Variants in WBP4 observed in about 807,000 individuals in gnomAD.
WBP4 encodes the protein WW domain binding protein 4, also known as WW domain-binding protein 4.
In WBP4, 37 loss-of-function variants were observed where a neutral mutation model predicts 55.4. That is an observed-to-expected ratio of 0.67 (90% CI 0.51 to 0.88). The LOEUF is 0.88. Among genes scored for constraint, WBP4 ranks in the 40% least tolerant of loss-of-function variants. The probability of loss-of-function intolerance (pLI) is 0.00; values close to 1 mark genes in which losing one functional copy is unlikely to be tolerated. For synonymous variants in WBP4, 142 were observed against 140.2 expected (o/e 1.01, Z -0.09); for missense variants, 398 against 420.8 (o/e 0.95, Z 0.47).
intron 8 of WBP4, among the ~76,000 whole-genome samples, chr13:41,077,885 A>G (rs1878574375): frequency 6.6e-6 from 1 of 152,104 alleles, no homozygotes; most frequent in Non-Finnish European, 1.5e-5. Flanking sequence ...AAAAAACTCA[A>G]TCCCATTTGT....
At chr13:41,066,619 G>A (rs1035072782) in intron 4 of WBP4, among the ~76,000 whole-genome samples, 1 of 152,008 alleles carries the variant, frequency 6.6e-6, no homozygotes, top group African/African-American at 2.4e-5. Context: ...GTAACATTAT[G>A]GTATAAATTG....
rs1189484016 is a variant in WBP4, at chr13:41,061,586, G to A, written c.-88G>A. 32 of 1,607,118 alleles carry A rather than the reference G, an allele frequency of 2.0e-5. No individual in the cohort carries two copies. The highest frequency in any genetic ancestry group is 2.5e-5 in the Non-Finnish European group (29 of 1,175,366). On this transcript the variant is annotated 5_prime_UTR_variant, in exon 1 of 10. Coordinates refer to ENST00000379487, the MANE Select transcript of WBP4 (RefSeq NM_007187.5). ...TCGGAGGGAGGTTCGGGTGGGCATC[G>A]GGCGGCTGGAAGAGCTCGACTCGTC...
intron 7 of WBP4, among the ~76,000 whole-genome samples, chr13:41,073,699 T>A (rs914925945): frequency 1.3e-5 from 2 of 151,670 alleles, no homozygotes; most frequent in African/African-American, 4.8e-5. Context: ...TCCCAGCTAC[T>A]CAGGAGGCTG....
At chr13:41,070,561 TAATG>T (rs1878195428) in intron 5 of WBP4, among the ~76,000 whole-genome samples, 1 of 151,732 alleles carries the variant, frequency 6.6e-6, no homozygotes, top group African/African-American at 2.4e-5. Flanking sequence ...ATGGGGACAA[TAATG>T]AATTAGATAC....
intron 7 of WBP4, 69 bp downstream of exon 7, chr13:41,072,926 T>C: frequency 1.6e-6 from 2 of 1,279,884 alleles, no homozygotes; most frequent in Non-Finnish European, 2.2e-6. Context: ...GCCTGCTGAT[T>C]AATCATCTGA....
At chr13:41,078,758 C>T (rs1350024407) in intron 8 of WBP4, among the ~76,000 whole-genome samples, 7 of 151,606 alleles carry the variant, frequency 4.6e-5, no homozygotes, top group African/African-American at 1.2e-4. Context: ...ACCTGGGAGG[C>T]GGAGGTTGCA....
At chr13:41,069,933 C>A (rs898683614) in intron 5 of WBP4, among the ~76,000 whole-genome samples, 1 of 150,310 alleles carries the variant, frequency 6.7e-6, no homozygotes, top group Non-Finnish European at 1.5e-5. Context: ...GTAACAATAT[C>A]AAAAACATCT....
intron 7 of WBP4, 65 bp downstream of exon 7, chr13:41,072,922 T>C: frequency 1.5e-6 from 2 of 1,312,732 alleles, no homozygotes; most frequent in Non-Finnish European, 2.1e-6. Flanking sequence ...ATTGGCCTGC[T>C]GATTAATCAT....
chr13:41,072,681 C>T, intron 6 of WBP4, 101 bp from the exon 7 acceptor site: 5 of 906,390 alleles, frequency 5.5e-6, no homozygotes, highest in Non-Finnish European at 8.7e-6. Flanking sequence ...ATGATATCAC[C>T]AGGTGTCAGG....
At chr13:41,077,590 A>G (rs1878558182) in intron 8 of WBP4, among the ~76,000 whole-genome samples, 1 of 152,218 alleles carries the variant, frequency 6.6e-6, no homozygotes, top group Non-Finnish European at 1.5e-5. Flanking sequence ...AAGGATGCTC[A>G]CTTCAACCAC....
At chr13:41,062,619 T>C in intron 1 of WBP4, 25 bp from the exon 2 acceptor site, 1 of 1,608,384 alleles carries the variant, frequency 6.2e-7, no homozygotes, top group Non-Finnish European at 8.5e-7. Flanking sequence ...TACATGAGCT[T>C]AGCCTTGTTG....
At chr13:41,081,599 G>A (rs1878782878) in intron 9 of WBP4, among the ~76,000 whole-genome samples, 1 of 151,924 alleles carries the variant, frequency 6.6e-6, no homozygotes, top group Non-Finnish European at 1.5e-5. Flanking sequence ...AGGATTCAGT[G>A]TTGCTATTTA....
At chr13:41,071,077 C>T (rs577797715) in intron 5 of WBP4, among the ~76,000 whole-genome samples, 8 of 152,292 alleles carry the variant, frequency 5.3e-5, no homozygotes, top group Admixed American at 1.3e-4. Context: ...ATGCTTATTG[C>T]TTGCCTCTCT....
intron 9 of WBP4, 69 bp from the exon 10 acceptor site, chr13:41,082,635 G>T (rs183380004): frequency 7.5e-5 from 106 of 1,419,226 alleles, no homozygotes; most frequent in Non-Finnish European, 5.9e-6. Flanking sequence ...GCTGATCTTG[G>T]GGCATTGGTT....
Position 41,065,001 on chromosome 13 carries a change from CTT to C in WBP4, c.76-12_76-11del, listed in dbSNP as rs768313208. The C allele has an allele frequency of 6.2e-5, 95 of 1,538,350 alleles. No individual in the cohort carries two copies. The East Asian group carries it at 1.7e-3, about 28-fold the overall frequency. ...ATGTAGTTTTCTTTTGTTATTTTCT[CTT>C]TTCATTTTCAAGAGTGTTGAATTTC... On this transcript the variant is annotated splice_polypyrimidine_tract_variant and intron_variant, in intron 2 of 9. Coordinates refer to ENST00000379487, the MANE Select transcript of WBP4 (RefSeq NM_007187.5).
intron 5 of WBP4, 45 bp downstream of exon 5, chr13:41,068,782 T>C (rs1878098007): frequency 1.4e-6 from 2 of 1,469,144 alleles, no homozygotes; most frequent in Non-Finnish European, 9.1e-7. Context: ...GTGTCACTAG[T>C]AGAATAGAAC....
intron 8 of WBP4, among the ~76,000 whole-genome samples, chr13:41,077,659 A>G (rs1878562106): frequency 6.6e-6 from 1 of 152,212 alleles, no homozygotes. Flanking sequence ...AGAAAGAAGT[A>G]AAAGGCATCC....
At chr13:41,072,457 C>G (rs953707901) in intron 6 of WBP4, among the ~76,000 whole-genome samples, 5 of 152,232 alleles carry the variant, frequency 3.3e-5, no homozygotes, top group Non-Finnish European at 7.3e-5. Context: ...TCACATCTTA[C>G]ATGGCCAGAC....
At chr13:41,065,910 G>A (rs1877953424) in intron 4 of WBP4, among the ~76,000 whole-genome samples, 1 of 152,166 alleles carries the variant, frequency 6.6e-6, no homozygotes, top group Admixed American at 6.5e-5. Context: ...CAGGCATATA[G>A]CAGATCTCAG....
Sources: gnomAD v4.1 joint callset for allele counts (sites outside exome capture counted in the v4.1 genomes callset) on GRCh38, gnomAD v4.1.1 for gene constraint, MANE v1.5 for transcripts, NCBI Gene and HGNC (gene_info 2026-07-23, HGNC 2026-07-21) for gene names.